The following PRICKLE4 variants were observed in gnomAD, a reference collection of about 807,000 sequenced individuals.
PRICKLE4 encodes prickle-like protein 4.
PRICKLE4 carries 40 observed loss-of-function variants against 43.5 expected under a neutral mutation model. The observed-to-expected ratio is 0.92, with a 90% CI of 0.71 to 1.20. PRICKLE4 has a LOEUF of 1.20. PRICKLE4 is among the 50% of genes most tolerant of loss of function. The pLI is 0.00. For missense variants in PRICKLE4, 527 were observed against 491.2 expected, an observed-to-expected ratio of 1.07 and a Z score of -0.69; for synonymous variants, 208 against 197.4, an observed-to-expected ratio of 1.05 and a Z score of -0.45.
rs2127308283 is a variant in PRICKLE4, at chr6:41,787,268, T to C, written c.*139T>C. 1 of 1,260,168 alleles carries C rather than the reference T, an allele frequency of 7.9e-7. No homozygotes were observed. Among genetic ancestry groups the C allele is most frequent in the Non-Finnish European group, 1.1e-6 (1 of 939,034 alleles). The allele number at this position is 1,260,168 out of a possible 1,614,324, so 78.1% of individuals were successfully genotyped here. On this transcript the variant is annotated 3_prime_UTR_variant, in exon 8 of 8. Transcript: ENST00000458694. ...GCAAGAGGCGGCGAGGTGACAAGTT[T>C]GGAGTGCGCCCCCTTCAGTACTGCG...
intron 2 of PRICKLE4, 55 bp from the exon 3 acceptor site, chr6:41,783,407 C>G: frequency 2.1e-6 from 3 of 1,426,602 alleles, no homozygotes; most frequent in Non-Finnish European, 2.9e-6. Flanking sequence ...CTTAACACTT[C>G]CTAGCACATT....
At chr6:41,786,714 C>G in intron 7 of PRICKLE4, 48 bp from the exon 8 acceptor site, 1 of 1,611,036 alleles carries the variant, frequency 6.2e-7, no homozygotes, top group Non-Finnish European at 8.5e-7. Context: ...CGGTGTAGGT[C>G]CAGCTCCGCG....
intron 7 of PRICKLE4, 141 bp from the exon 8 acceptor site, chr6:41,786,621 G>A: frequency 7.2e-7 from 1 of 1,380,066 alleles, no homozygotes. Context: ...GGGGACCCTG[G>A]CGAGGACTCT....
Position 41,786,927 on chromosome 6 carries a change from A to C in PRICKLE4, c.953A>C (p.Glu318Ala). The C allele has an allele frequency of 6.2e-7, 1 of 1,613,798 alleles. No homozygotes were observed. The highest frequency in any genetic ancestry group is 8.5e-7 in the Non-Finnish European group (1 of 1,179,826). Residue 318 changes from glutamate to alanine, a missense_variant, in exon 8 of 8, where the codon GAG becomes GCG. Coordinates refer to ENST00000458694, the MANE Select transcript of PRICKLE4 (RefSeq NM_013397.6). ...GAGAACCGACCTGGGGACAAAGCGG[A>C]GGCACCCAAAGGGCAGGAGCAATGC... ...QQENRPGDKA[E>A]APKGQEQCRL...
At chr6:41,785,690 T>C (rs984423827) in intron 6 of PRICKLE4, 150 bp downstream of exon 6, 28 of 835,268 alleles carry the variant, frequency 3.4e-5, no homozygotes, top group Non-Finnish European at 4.6e-5. Flanking sequence ...CCCTGTGTTC[T>C]GACTTGAGCT....
chr6:41,786,384 G>C, intron 7 of PRICKLE4, 52 bp downstream of exon 7: 1 of 1,522,724 alleles, frequency 6.6e-7, no homozygotes, highest in Non-Finnish European at 8.8e-7. Context: ...CTGGGCTGTG[G>C]GGGTTCTCCC....
Position 41,784,946 on chromosome 6 carries a change from C to T in PRICKLE4, c.252C>T (p.Cys84=). 6.2e-7 allele frequency: 1 copy of T among 1,614,028 alleles called. No homozygotes were observed. The highest frequency in any genetic ancestry group is 1.3e-5 in the African/African-American group (1 of 75,054). Residue 84 remains cysteine, a synonymous_variant, in exon 5 of 8, where the codon TGC becomes TGT. Transcript: ENST00000458694. ...GACTGTTTCTGCAGGAGCGCTACTG[C>T]CTGGCCCTTGGGGAGGAGGAGCGGG... ...LPPQDIDERY[C]LALGEEERAE...
chr6:41,785,188 C>T (rs1052637344), intron 5 of PRICKLE4, 116 bp downstream of exon 5: 8 of 1,554,246 alleles, frequency 5.1e-6, no homozygotes, highest in Non-Finnish European at 7.0e-6. Context: ...AAAACAGAAA[C>T]CAAGTTTGCA....
intron 7 of PRICKLE4, 185 bp downstream of exon 7, chr6:41,786,517 C>T: frequency 9.8e-7 from 1 of 1,024,972 alleles, no homozygotes; most frequent in East Asian, 2.8e-5. Context: ...CGGAGCGTTC[C>T]AAGGGCCGCC....
intron 3 of PRICKLE4, 196 bp downstream of exon 3, chr6:41,783,801 A>G (rs1772593093): frequency 4.8e-6 from 4 of 825,660 alleles, no homozygotes; most frequent in Middle Eastern, 2.2e-4. Context: ...ATGAGTATTC[A>G]TTATCTCTCC....
chr6:41,781,683 C>T (rs950904225), intron 2 of PRICKLE4, among the ~76,000 whole-genome samples, 163 bp downstream of exon 2: 3 of 152,230 alleles, frequency 2.0e-5, no homozygotes, highest in Middle Eastern at 3.4e-3. Flanking sequence ...GTCTTAGAGG[C>T]CAGGGATTTG....
intron 3 of PRICKLE4, 81 bp from the exon 4 acceptor site, chr6:41,784,049 AG>A (rs1772597770): frequency 9.9e-7 from 1 of 1,006,178 alleles, no homozygotes; most frequent in East Asian, 2.6e-5. Flanking sequence ...ATTGGAGAAG[AG>A]GTGGCAATGA....
chr6:41,786,507 C>T (rs917923345), intron 7 of PRICKLE4, 175 bp downstream of exon 7: 7 of 1,041,220 alleles, frequency 6.7e-6, no homozygotes, highest in East Asian at 2.8e-5. Context: ...CATCCCTGGC[C>T]GGAGCGTTCC....
intron 7 of PRICKLE4, 147 bp from the exon 8 acceptor site, chr6:41,786,615 A>T: frequency 7.5e-7 from 1 of 1,332,290 alleles, no homozygotes; most frequent in Non-Finnish European, 1.0e-6. Context: ...GAGGCGGGGG[A>T]CCCTGGCGAG....
At position 41,786,246 on chromosome 6, in the gene PRICKLE4, G is replaced by GC. The variant is rs1490986580; in HGVS notation, c.705dup (p.Cys236LeufsTer36). 6.2e-7 allele frequency: 1 copy of GC among 1,601,506 alleles called. No homozygotes were observed. Among genetic ancestry groups the GC allele is most frequent in the South Asian group, 1.1e-5 (1 of 90,476 alleles). Reference sequence around the variant, plus strand: ...GGACGTTATGCCCTGCCTGGGGGAAGCCCCTGCTGCCCCAGCTGCTTCGAG... The same window carrying GC: ...GGACGTTATGCCCTGCCTGGGGGAAGCCCCCTGCTGCCCCAGCTGCTTCGAG... On this transcript the variant is annotated frameshift_variant, in exon 7 of 8. Coordinates refer to ENST00000458694, the MANE Select transcript of PRICKLE4 (RefSeq NM_013397.6). LOFTEE classifies it high-confidence loss of function.
At chr6:41,784,777 T>C in intron 4 of PRICKLE4, 158 bp from the exon 5 acceptor site, 1 of 984,372 alleles carries the variant, frequency 1.0e-6, no homozygotes, top group Non-Finnish European at 1.5e-6. Flanking sequence ...TTGAGCTCCT[T>C]TCCTTTTCCA....
At chr6:41,783,971 C>A in intron 3 of PRICKLE4, 160 bp from the exon 4 acceptor site, 1 of 677,338 alleles carries the variant, frequency 1.5e-6, no homozygotes, top group South Asian at 1.8e-5. Context: ...GTCAGCTATC[C>A]TTGCACTCAG....
intron 4 of PRICKLE4, 30 bp from the exon 5 acceptor site, chr6:41,784,905 C>A: frequency 6.2e-7 from 1 of 1,611,322 alleles, no homozygotes; most frequent in South Asian, 1.1e-5. Flanking sequence ...CTGGAGCTCT[C>A]CCAGTAATTG....
At position 41,786,832 on chromosome 6, in the gene PRICKLE4, A is replaced by ACTC. The variant is rs28403584; in HGVS notation, c.862_864dup (p.Leu288dup). Reference sequence around the variant, plus strand: ...TGAACTCTGCAACCCTCTCCCGAACACTCCTCGCTGCTGCCGGCGGTTCCA... The same window carrying ACTC: ...TGAACTCTGCAACCCTCTCCCGAACACTCCTCCTCGCTGCTGCCGGCGGTTCCA... On this transcript the variant is annotated inframe_insertion, in exon 8 of 8. Transcript: ENST00000458694. The ACTC allele has an allele frequency of 5.7e-6, 8 of 1,405,162 alleles. No individual in the cohort carries two copies. The Admixed American group carries it at 1.8e-4, about 32-fold the overall frequency. The allele number at this position is 1,405,162 out of a possible 1,614,324, so 87.0% of individuals were successfully genotyped here.
Sources: allele counts gnomAD v4.1 joint callset (sites outside exome capture counted in the v4.1 genomes callset), GRCh38; gene constraint gnomAD v4.1.1; transcripts MANE v1.5; gene names NCBI Gene and HGNC (gene_info 2026-07-23, HGNC 2026-07-21).